The following LAMC1 variants were observed in gnomAD, a reference collection of about 807,000 sequenced individuals.
LAMC1 encodes laminin subunit gamma-1.
Under a neutral mutation model 173.6 loss-of-function variants are expected in LAMC1, and 38 were observed. The ratio of observed to expected loss-of-function variants is 0.22; its 90% confidence interval spans 0.17 to 0.29. The LOEUF (loss-of-function observed/expected upper bound fraction) is 0.29, where lower values mean the gene tolerates loss of function less well. Ranked by LOEUF, LAMC1 falls within the 10% of genes least tolerant of loss-of-function variation. The pLI is 1.00. For synonymous variants in LAMC1, 746 were observed against 749.1 expected, an observed-to-expected ratio of 1.00 and a Z score of 0.07; for missense variants, 1,824 against 2,051.8, an observed-to-expected ratio of 0.89 and a Z score of 2.14.
intron 1 of LAMC1, among the ~76,000 whole-genome samples, chr1:183,098,110 G>A (rs542732548): frequency 6.6e-6 from 1 of 152,174 alleles, no homozygotes; most frequent in Non-Finnish European, 1.5e-5. Flanking sequence ...TGATAATCTA[G>A]TAGTGTCATC....
chr1:183,120,167 C>CAAAAAAA (rs55642592), intron 11 of LAMC1, among the ~76,000 whole-genome samples: 30 of 64,704 alleles, frequency 4.6e-4, no homozygotes, highest in African/African-American at 6.4e-4. Context: ...GGATCTATCT[C>CAAAAAAA]AAAAAAAAAA....
At chr1:183,115,991 G>C (rs567534833) in intron 6 of LAMC1, among the ~76,000 whole-genome samples, 21 of 152,178 alleles carry the variant, frequency 1.4e-4, no homozygotes, top group South Asian at 6.2e-4. Context: ...TTAGCCAGGC[G>C]TGGTGGCGGG....
At chr1:183,076,912 C>G (rs1655132108) in intron 1 of LAMC1, among the ~76,000 whole-genome samples, 1 of 152,200 alleles carries the variant, frequency 6.6e-6, no homozygotes. Flanking sequence ...GTCCTAAATA[C>G]TTAAACACAG....
intron 10 of LAMC1, 45 bp from the exon 11 acceptor site, chr1:183,117,989 G>C (rs757223456): frequency 8.8e-7 from 1 of 1,142,570 alleles, no homozygotes; most frequent in Admixed American, 1.9e-5. Flanking sequence ...CCAACATCCA[G>C]AATTGTCCTT....
chr1:183,046,196 GT>G (rs1654261715), intron 1 of LAMC1, among the ~76,000 whole-genome samples: 1 of 152,050 alleles, frequency 6.6e-6, no homozygotes, highest in African/African-American at 2.4e-5. Flanking sequence ...ATCTTCTGAA[GT>G]TTTGCCTTTC....
Position 183,136,496 on chromosome 1 carries a change from C to G in LAMC1, c.4225C>G (p.Gln1409Glu). ...TEANEKTREAQQALGSAAADA... is the reference protein window; with the variant it reads ...TEANEKTREAEQALGSAAADA... ...AGCCAATGAAAAGACCAGAGAAGCC[C>G]AGCAGGCCCTGGGCAGTGCTGCGGC... The change falls in exon 25 of 28, where the codon CAG (glutamine) becomes GAG (glutamate). Residue 1409 changes from glutamine to glutamate, a missense_variant. Gln to Glu is a conservative substitution (Grantham distance 29, BLOSUM62 2). Transcript: ENST00000258341. 6.2e-7 allele frequency: 1 copy of G among 1,614,174 alleles called. No individual in the cohort carries two copies. Among genetic ancestry groups the G allele is most frequent in the Non-Finnish European group, 8.5e-7 (1 of 1,180,032 alleles).
intron 1 of LAMC1, among the ~76,000 whole-genome samples, chr1:183,060,815 A>T (rs571000534): frequency 3.9e-5 from 6 of 152,226 alleles, no homozygotes; most frequent in Admixed American, 1.3e-4. Context: ...CAAAATATGG[A>T]TGCAAAATCA....
intron 20 of LAMC1, among the ~76,000 whole-genome samples, chr1:183,131,994 G>A (rs1338220966): frequency 6.6e-6 from 1 of 152,276 alleles, no homozygotes; most frequent in Non-Finnish European, 1.5e-5. Context: ...GCCCATGTTA[G>A]TATATGTACA....
At chr1:183,096,629 C>T (rs1571437042) in intron 1 of LAMC1, 1 of 152,146 alleles carries the variant, frequency 6.6e-6, no homozygotes, top group Non-Finnish European at 1.5e-5. Context: ...TTGTAAGTTC[C>T]ATTGCATTTG....
At chr1:183,073,623 G>A (rs577950779) in intron 1 of LAMC1, among the ~76,000 whole-genome samples, 110 of 152,318 alleles carry the variant, frequency 7.2e-4, no homozygotes, top group African/African-American at 2.6e-3. Context: ...CCAGTTTGGT[G>A]TTACTCCCAG....
At chr1:183,108,026 A>G (rs1241034741) in intron 2 of LAMC1, among the ~76,000 whole-genome samples, 1 of 152,172 alleles carries the variant, frequency 6.6e-6, no homozygotes, top group Non-Finnish European at 1.5e-5. Flanking sequence ...GCAGCCTTGC[A>G]AAGAAATTAG....
chr1:183,123,624 A>G (rs1053000111), intron 13 of LAMC1, among the ~76,000 whole-genome samples: 6 of 152,142 alleles, frequency 3.9e-5, no homozygotes, highest in African/African-American at 1.2e-4. Flanking sequence ...CTACCCACCA[A>G]TATAAAGTAG....
chr1:183,087,599 C>T (rs938008936), intron 1 of LAMC1, among the ~76,000 whole-genome samples: 1 of 152,138 alleles, frequency 6.6e-6, no homozygotes, highest in Admixed American at 6.5e-5. Flanking sequence ...GAAATCCTTG[C>T]TACTACCATG....
At chr1:183,109,114 A>G (rs1443711983) in intron 3 of LAMC1, among the ~76,000 whole-genome samples, 6 of 152,256 alleles carry the variant, frequency 3.9e-5, no homozygotes, top group Admixed American at 3.9e-4. Flanking sequence ...CAGCAGGTGA[A>G]GAATCTTGGA....
At chr1:183,130,266 A>G (rs144561389) in intron 18 of LAMC1, 78 bp from the exon 19 acceptor site, 17,457 of 1,266,050 alleles carry the variant, frequency 0.014, 139 homozygotes, top group Admixed American at 0.017. Flanking sequence ...GTAGAGATAC[A>G]TAGGGCCTCA....
In LAMC1 at chr1:183,079,587, G is replaced by A. The variant is rs145489330; in HGVS notation, c.419-23741G>A. Among the ~76,000 whole-genome samples, 527 of 152,126 alleles carry A rather than the reference G, an allele frequency of 3.5e-3. 4 individuals are homozygous for A. The highest frequency in any genetic ancestry group is 0.012 in the African/African-American group (500 of 41,492). On this transcript the variant is annotated intron_variant, in intron 1 of 27. Coordinates refer to ENST00000258341, the MANE Select transcript of LAMC1 (RefSeq NM_002293.4). Reference sequence around the variant, plus strand: ...GGATTACAGGTGTGAGCCACTGCACGTGCCCAGCCCTCTAATCTGGTCTTC... The same window carrying A: ...GGATTACAGGTGTGAGCCACTGCACATGCCCAGCCCTCTAATCTGGTCTTC...
chr1:183,125,024 C>A, intron 14 of LAMC1, 148 bp downstream of exon 14: 1 of 1,079,116 alleles, frequency 9.3e-7, no homozygotes, highest in Non-Finnish European at 1.3e-6. Flanking sequence ...CTAGTCACCA[C>A]ATTAAAAAAG....
chr1:183,105,761 G>A (rs1484087359), intron 2 of LAMC1, among the ~76,000 whole-genome samples: 1 of 152,168 alleles, frequency 6.6e-6, no homozygotes, highest in Non-Finnish European at 1.5e-5. Flanking sequence ...AGGAGGTTGA[G>A]CTAATTTGAC....
intron 18 of LAMC1, among the ~76,000 whole-genome samples, chr1:183,130,044 A>G (rs976403115): frequency 6.6e-6 from 1 of 152,206 alleles, no homozygotes; most frequent in African/African-American, 2.4e-5. Context: ...CCTTCATTAA[A>G]CATTCCTTGG....
Sources: allele counts gnomAD v4.1 joint callset (sites outside exome capture counted in the v4.1 genomes callset), GRCh38; gene constraint gnomAD v4.1.1; transcripts MANE v1.5; gene names NCBI Gene and HGNC (gene_info 2026-07-23, HGNC 2026-07-21).